The following ABCC11 variants were observed in gnomAD, a reference collection of about 807,000 sequenced individuals.
ABCC11 encodes ATP binding cassette subfamily C member 11.
In ABCC11, 135 loss-of-function variants were observed where a neutral mutation model predicts 149.3. The observed-to-expected ratio is 0.90, with a 90% confidence interval of 0.79 to 1.04. The LOEUF is 1.04. Ranked by LOEUF, ABCC11 falls within the 50% of genes least tolerant of loss-of-function variation. The pLI, the probability that ABCC11 is intolerant of heterozygous loss-of-function variation, is 0.00. For missense variants in ABCC11, 1,680 were observed against 1,722.1 expected, an observed-to-expected ratio of 0.98 and a Z score of 0.43; for synonymous variants, 665 against 671.4, an observed-to-expected ratio of 0.99 and a Z score of 0.15.
intron 6 of ABCC11, among the ~76,000 whole-genome samples, chr16:48,219,507 GT>G (rs1429062653): frequency 6.6e-6 from 1 of 152,108 alleles, no homozygotes; most frequent in East Asian, 1.9e-4. Flanking sequence ...CAAAAACCAA[GT>G]TGCTAATGGT....
At chr16:48,231,705 G>GA (rs1282392264) in intron 2 of ABCC11, 118 bp downstream of exon 2, 90 of 1,255,936 alleles carry the variant, frequency 7.2e-5, no homozygotes, top group Non-Finnish European at 8.8e-5. Flanking sequence ...AAAGAGAAAA[G>GA]AAAAAAAATT....
In ABCC11 at chr16:48,213,477, A is replaced by G. The variant is rs1044115137; in HGVS notation, c.1322T>C (p.Leu441Pro). ...CATCACTGCAGACTTGGAATTCGTG[A>G]GACCTTTGACTGCAATAGGCACAAA... is the stretch of plus-strand genomic sequence containing the variant. ...VFFVPIAVKGLTNSKSAVMRF... is the reference protein window; with the variant it reads ...VFFVPIAVKGPTNSKSAVMRF... Residue 441 changes from leucine (L) to proline (P), a missense_variant, in exon 10 of 30, where the codon CTC (leucine) becomes CCC (proline). Coordinates refer to ENST00000356608, the MANE Select transcript of ABCC11 (RefSeq NM_001370497.1). 3 of 1,612,448 alleles carry G rather than the reference A, an allele frequency of 1.9e-6. No homozygotes were observed. Among genetic ancestry groups the G allele is most frequent in the Admixed American group, 1.7e-5 (1 of 59,826 alleles).
chr16:48,176,900 G>A (rs185651615), intron 25 of ABCC11, 24 bp downstream of exon 25: 26 of 1,608,666 alleles, frequency 1.6e-5, no homozygotes, highest in East Asian at 1.3e-4. Flanking sequence ...AGCTGGGGAC[G>A]CTCGCCCAGG....
intron 26 of ABCC11, among the ~76,000 whole-genome samples, chr16:48,174,992 A>G (rs1965953470): frequency 6.6e-6 from 1 of 152,182 alleles, no homozygotes; most frequent in Admixed American, 6.5e-5. Context: ...GTGCACCACC[A>G]TGCCATCCAG....
chr16:48,200,132 C>T (rs2150817559), intron 15 of ABCC11, 144 bp downstream of exon 15: 6 of 791,162 alleles, frequency 7.6e-6, no homozygotes, highest in Non-Finnish European at 1.1e-5. Flanking sequence ...AAGTTTTTTA[C>T]AGCCCTCCCC....
chr16:48,217,520 C>A (rs903263716), intron 6 of ABCC11, among the ~76,000 whole-genome samples: 1 of 152,112 alleles, frequency 6.6e-6, no homozygotes, highest in Non-Finnish European at 1.5e-5. Flanking sequence ...TACTTGAGCC[C>A]GGCAGATCAA....
chr16:48,187,504 C>T (rs1015209183), intron 20 of ABCC11, 77 bp from the exon 21 acceptor site: 5 of 1,294,676 alleles, frequency 3.9e-6, no homozygotes, highest in African/African-American at 3.0e-5. Context: ...TGCCTGTTAC[C>T]CTTGACTCTA....
intron 4 of ABCC11, 88 bp downstream of exon 4, chr16:48,227,718 T>A: frequency 6.3e-7 from 1 of 1,576,888 alleles, no homozygotes; most frequent in Non-Finnish European, 8.7e-7. Flanking sequence ...GCATGGCCCC[T>A]CCCTACCACC....
chr16:48,170,978 A>C lies in ABCC11; in HGVS notation c.3699-11T>G, dbSNP rs138820376. 8.8e-5 allele frequency: 140 copies of C among 1,598,466 alleles called. No homozygotes were observed. In the African/African-American group the frequency reaches 1.5e-3, roughly 17 times the overall value. Reference sequence around the variant, plus strand: ...GGATCTAGGTTGAATCTACCATATGAGAGAAAGAGAAGTGTTCAACAACAT... The same window carrying C: ...GGATCTAGGTTGAATCTACCATATGCGAGAAAGAGAAGTGTTCAACAACAT... On this transcript the variant is annotated splice_polypyrimidine_tract_variant and intron_variant, in intron 26 of 29. Transcript: ENST00000356608.
At position 48,215,308 on chromosome 16, in the gene ABCC11, G is replaced by A. The variant is rs769889737; in HGVS notation, c.988C>T (p.His330Tyr). Residue 330 changes from histidine (H) to tyrosine (Y), a missense_variant, in exon 8 of 30, where the codon CAC becomes TAC. Transcript: ENST00000356608. ...CGCTGGTCGCTGACCTCAGATGTGT[G>A]ATGCTGAGCCTTCACAGCCATTCTT... ...MTRMAVKAQH[H>Y]TSEVSDQRIR... 1.9e-6 allele frequency: 3 copies of A among 1,614,116 alleles called. No individual in the cohort carries two copies. In the South Asian group the frequency reaches 3.3e-5, roughly 18 times the overall value.
At chr16:48,230,382 G>A in intron 3 of ABCC11, 55 bp downstream of exon 3, 2 of 1,492,324 alleles carry the variant, frequency 1.3e-6, no homozygotes, top group South Asian at 2.8e-5. Context: ...GGGAGGGTTG[G>A]GGATCATTGC....
intron 8 of ABCC11, 31 bp downstream of exon 8, chr16:48,215,166 G>T: frequency 6.2e-7 from 1 of 1,600,302 alleles, no homozygotes; most frequent in Non-Finnish European, 8.6e-7. Flanking sequence ...GCCATCACCA[G>T]GTTTGGAGCA....
intron 2 of ABCC11, among the ~76,000 whole-genome samples, chr16:48,230,876 G>T (rs1007623792): frequency 5.9e-5 from 9 of 152,130 alleles, no homozygotes; most frequent in African/African-American, 2.2e-4. Context: ...CAGAATGAGG[G>T]ACCAAGTCAC....
intron 14 of ABCC11, among the ~76,000 whole-genome samples, chr16:48,201,383 C>T (rs375917867): frequency 2.0e-5 from 3 of 152,100 alleles, no homozygotes; most frequent in Non-Finnish European, 4.4e-5. Flanking sequence ...CAGTCTCAAG[C>T]GATTCTCCCA....
intron 13 of ABCC11, 119 bp from the exon 14 acceptor site, chr16:48,203,419 T>A: frequency 3.4e-6 from 3 of 893,162 alleles, no homozygotes; most frequent in Admixed American, 2.3e-5. Context: ...TGATGGTGTT[T>A]AATGGTATAA....
intron 10 of ABCC11, among the ~76,000 whole-genome samples, chr16:48,212,395 A>G (rs1969000159): frequency 6.6e-6 from 1 of 152,186 alleles, no homozygotes; most frequent in Non-Finnish European, 1.5e-5. Context: ...CACAGAAAAT[A>G]CACTAACACC....
At chr16:48,215,460 T>TGATTGGAAAACCTCTC in intron 7 of ABCC11, 116 bp from the exon 8 acceptor site, 1 of 1,266,872 alleles carries the variant, frequency 7.9e-7, no homozygotes, top group Non-Finnish European at 1.1e-6. Context: ...AAGAGAGGTT[T>TGATTGGAAAACCTCTC]TCCAATCAAA....
intron 23 of ABCC11, among the ~76,000 whole-genome samples, chr16:48,183,582 C>T (rs1966575910): frequency 6.6e-6 from 1 of 152,148 alleles, no homozygotes; most frequent in Non-Finnish European, 1.5e-5. Flanking sequence ...GCCAACATGG[C>T]AAAACCCCGT....
chr16:48,202,173 T>C (rs2150826438), intron 14 of ABCC11, among the ~76,000 whole-genome samples: 1 of 152,300 alleles, frequency 6.6e-6, no homozygotes, highest in South Asian at 2.1e-4. Context: ...ATTAACTCAT[T>C]TAAACCTCAA....
Sources: allele counts gnomAD v4.1 joint callset (sites outside exome capture counted in the v4.1 genomes callset), GRCh38; gene constraint gnomAD v4.1.1; transcripts MANE v1.5; gene names NCBI Gene and HGNC (gene_info 2026-07-23, HGNC 2026-07-21).